Variants in CDCA7L observed in about 807,000 individuals in gnomAD.
CDCA7L encodes the protein cell division cycle associated 7 like.
In CDCA7L, 44 loss-of-function variants were observed where a neutral mutation model predicts 57.4. The observed-to-expected ratio is 0.77, with a 90% CI of 0.60 to 0.98. CDCA7L has a LOEUF of 0.98. Among genes scored for constraint, CDCA7L ranks in the 50% least tolerant of loss-of-function variants. The pLI is 0.00. For missense variants in CDCA7L, 644 were observed against 580.6 expected (o/e 1.11, Z -1.12); for synonymous variants, 236 against 202.8 (o/e 1.16, Z -1.39).
chr7:21,901,059 G>A lies in CDCA7L; in HGVS notation c.*1263C>T, dbSNP rs1388925861. The A allele has an allele frequency of 6.2e-7, 1 of 1,613,388 alleles. No homozygotes were observed. The highest frequency in any genetic ancestry group is 8.5e-7 in the Non-Finnish European group (1 of 1,179,634). On this transcript the variant is annotated 3_prime_UTR_variant, in exon 10 of 10. Coordinates refer to ENST00000406877, the MANE Select transcript of CDCA7L (RefSeq NM_018719.5). Reference sequence around the variant, plus strand: ...CCATTGTTGAAGCCCGTCTCAAGGAGCTGGCATGCCCTATGCCGGTCATCT... The same window carrying A: ...CCATTGTTGAAGCCCGTCTCAAGGAACTGGCATGCCCTATGCCGGTCATCT...
In CDCA7L at chr7:21,902,064, T is replaced by TAATA; in HGVS notation, c.*254_*257dup. On this transcript the variant is annotated 3_prime_UTR_variant, in exon 10 of 10. Transcript: ENST00000406877. Reference sequence around the variant, plus strand: ...CCCACCCCATTTAAACTGTGCTTTTTAATAACTGGCAGATATTTTTAACAA... The same window carrying TAATA: ...CCCACCCCATTTAAACTGTGCTTTTTAATAAATAACTGGCAGATATTTTTAACAA... 1 of 490,618 alleles carries TAATA rather than the reference T, an allele frequency of 2.0e-6. No individual in the cohort carries two copies. The highest frequency in any genetic ancestry group is 3.7e-6 in the Non-Finnish European group (1 of 272,836). 30.4% of individuals were successfully genotyped at this position (490,618 alleles called of 1,614,324 possible). A position where few individuals can be genotyped will look rare whatever the true frequency, so the allele number is the denominator to read the frequency against.
intron 1 of CDCA7L, among the ~76,000 whole-genome samples, chr7:21,919,278 T>TTA (rs1219628381): frequency 1.3e-5 from 2 of 152,316 alleles, no homozygotes; most frequent in East Asian, 3.9e-4. Flanking sequence ...ATTAAATGTG[T>TTA]TATAATCCAT....
At chr7:21,945,158 T>C (rs1327205884) in intron 1 of CDCA7L, among the ~76,000 whole-genome samples, 1 of 152,108 alleles carries the variant, frequency 6.6e-6, no homozygotes, top group Non-Finnish European at 1.5e-5. Flanking sequence ...AAAGACGAGT[T>C]AGGCCCTTAA....
chr7:21,904,360 C>T (rs1363833418), intron 7 of CDCA7L, 101 bp from the exon 8 acceptor site: 3 of 1,163,962 alleles, frequency 2.6e-6, no homozygotes, highest in Non-Finnish European at 3.5e-6. Context: ...AAGAAATACC[C>T]CCGTCTCCTC....
At chr7:21,913,676 G>T (rs970892509) in intron 2 of CDCA7L, among the ~76,000 whole-genome samples, 1 of 152,216 alleles carries the variant, frequency 6.6e-6, no homozygotes, top group African/African-American at 2.4e-5. Flanking sequence ...TAAAGCCCCT[G>T]CCTAGGGCCT....
At chr7:21,908,025 G>A in intron 4 of CDCA7L, 105 bp downstream of exon 4, 1 of 1,282,494 alleles carries the variant, frequency 7.8e-7, no homozygotes, top group Non-Finnish European at 1.0e-6. Flanking sequence ...CTTGACAGAA[G>A]CCAAAGCAAC....
rs983978413 is a variant in CDCA7L, at chr7:21,908,367, G to C, written c.444C>G (p.Phe148Leu). The change falls in exon 4 of 10, where the codon TTC becomes TTG. Residue 148 changes from phenylalanine to leucine, a missense_variant. Coordinates refer to ENST00000406877, the MANE Select transcript of CDCA7L (RefSeq NM_018719.5). Reference sequence around the variant, plus strand: ...GTTTGTTGGCCAGCTTCTTGGTGGGGAACTGAAAGGCTACTCGAAGACCAA... The same window carrying C: ...GTTTGTTGGCCAGCTTCTTGGTGGGCAACTGAAAGGCTACTCGAAGACCAA... ...SSIGLRVAFQ[F>L]PTKKLANKPD... is the part of the protein sequence containing the mutation. 6.2e-7 allele frequency: 1 copy of C among 1,610,276 alleles called. No individual in the cohort carries two copies. Among genetic ancestry groups the C allele is most frequent in the Non-Finnish European group, 8.5e-7 (1 of 1,179,068 alleles).
chr7:21,921,867 A>G (rs1785666079), intron 1 of CDCA7L, among the ~76,000 whole-genome samples: 1 of 152,140 alleles, frequency 6.6e-6, no homozygotes, highest in Non-Finnish European at 1.5e-5. Flanking sequence ...TATTCCTTTC[A>G]TGTACAGTTT....
At chr7:21,937,342 AAAG>A (rs1163244799) in intron 1 of CDCA7L, among the ~76,000 whole-genome samples, 4 of 152,192 alleles carry the variant, frequency 2.6e-5, no homozygotes, top group Admixed American at 6.5e-5. Context: ...CAATCTTAAA[AAAG>A]AAGAACAGAC....
intron 1 of CDCA7L, among the ~76,000 whole-genome samples, chr7:21,937,616 T>C (rs4305799): frequency 0.99 from 149,370 of 151,178 alleles, 73,814 homozygotes; most frequent in South Asian, 1. Flanking sequence ...CTAGCCTAGG[T>C]GACAGAACAA....
chr7:21,936,768 C>A (rs1232249901), intron 1 of CDCA7L, among the ~76,000 whole-genome samples: 1 of 152,176 alleles, frequency 6.6e-6, no homozygotes, highest in Non-Finnish European at 1.5e-5. Context: ...GACAAATATG[C>A]CTGCTTTTAC....
chr7:21,914,024 G>A (rs1785408217), intron 2 of CDCA7L, among the ~76,000 whole-genome samples: 1 of 152,062 alleles, frequency 6.6e-6, no homozygotes, highest in Admixed American at 6.6e-5. Flanking sequence ...ATCAATACTG[G>A]GTGCTATGCT....
At chr7:21,940,469 G>A (rs1418842352) in intron 1 of CDCA7L, among the ~76,000 whole-genome samples, 1 of 152,180 alleles carries the variant, frequency 6.6e-6, no homozygotes, top group African/African-American at 2.4e-5. Context: ...CAGACACCAT[G>A]CTAAGAGAGC....
chr7:21,945,825 T>G lies in CDCA7L; in HGVS notation c.-21A>C. ...TCCATTCTTCCTAACCGGGCTCCAG[T>G]CTCCTCCCAGCACGCGGCCACGGGA... On this transcript the variant is annotated 5_prime_UTR_variant, in exon 1 of 10. Coordinates refer to ENST00000406877, the MANE Select transcript of CDCA7L (RefSeq NM_018719.5). 1 of 1,596,318 alleles carries G rather than the reference T, an allele frequency of 6.3e-7. No homozygotes were observed. Among genetic ancestry groups the G allele is most frequent in the Non-Finnish European group, 8.5e-7 (1 of 1,173,072 alleles).
intron 2 of CDCA7L, among the ~76,000 whole-genome samples, chr7:21,915,056 C>T (rs1454769413): frequency 2.0e-5 from 3 of 152,126 alleles, no homozygotes; most frequent in East Asian, 3.9e-4. Context: ...AGGAGCTGAC[C>T]GGAGGTCAAT....
chr7:21,902,484 A>C (rs1784947065), intron 9 of CDCA7L, 132 bp from the exon 10 acceptor site: 1 of 852,902 alleles, frequency 1.2e-6, no homozygotes, highest in Non-Finnish European at 2.0e-6. Context: ...AAATCCTGAC[A>C]ATTTATGCAT....
At chr7:21,934,214 ATACT>A (rs1285330061) in intron 1 of CDCA7L, among the ~76,000 whole-genome samples, 4 of 152,212 alleles carry the variant, frequency 2.6e-5, no homozygotes, top group Non-Finnish European at 4.4e-5. Flanking sequence ...AGGATTAAAA[ATACT>A]TACGAATCTG....
intron 1 of CDCA7L, chr7:21,944,972 GTTC>G (rs974617935): frequency 6.6e-6 from 1 of 151,646 alleles, no homozygotes; most frequent in African/African-American, 2.4e-5. Context: ...TGTATTTTTA[GTTC>G]TTATGAAAAA....
At chr7:21,905,678 T>TA (rs755619099) in intron 6 of CDCA7L, 47 bp from the exon 7 acceptor site, 14 of 1,570,708 alleles carry the variant, frequency 8.9e-6, no homozygotes, top group South Asian at 2.4e-5. Flanking sequence ...TGAGCAGTTA[T>TA]AAAAAAATTA....
Sources: gnomAD v4.1 joint callset for allele counts (sites outside exome capture counted in the v4.1 genomes callset) on GRCh38, gnomAD v4.1.1 for gene constraint, MANE v1.5 for transcripts, NCBI Gene and HGNC (gene_info 2026-07-23, HGNC 2026-07-21) for gene names.